The following LAMB1 variants were observed in gnomAD, a reference collection of about 807,000 sequenced individuals.
LAMB1 encodes laminin subunit beta-1.
LAMB1 carries 121 observed loss-of-function variants against 222.3 expected under a neutral mutation model. That is an observed-to-expected ratio of 0.54 (90% confidence interval 0.47 to 0.63). The LOEUF (loss-of-function observed/expected upper bound fraction) is 0.63. Among genes scored for constraint, LAMB1 ranks in the 30% least tolerant of loss-of-function variants. The pLI is 0.00. For missense variants in LAMB1, 2,172 were observed against 2,240.8 expected (o/e 0.97, Z 0.62); for synonymous variants, 794 against 807.2 (o/e 0.98, Z 0.28).
intron 5 of LAMB1, among the ~76,000 whole-genome samples, chr7:107,989,018 G>C (rs2034133644): frequency 6.6e-6 from 1 of 152,182 alleles, no homozygotes; most frequent in Non-Finnish European, 1.5e-5. Context: ...ACACTGACTT[G>C]CTAGTTACAG....
chr7:107,935,374 GCT>G, intron 27 of LAMB1, 39 bp downstream of exon 27: 1 of 544,544 alleles, frequency 1.8e-6, no homozygotes, highest in East Asian at 5.4e-5. Flanking sequence ...TTTTTTTTTT[GCT>G]TGGCACCATA....
At chr7:107,945,810 G>A (rs547466725) in intron 24 of LAMB1, among the ~76,000 whole-genome samples, 6 of 152,332 alleles carry the variant, frequency 3.9e-5, no homozygotes, top group African/African-American at 7.2e-5. Context: ...CACTCAGCAC[G>A]TTCTCTGTAG....
chr7:107,928,475 T>C (rs1348850814), intron 31 of LAMB1, among the ~76,000 whole-genome samples: 1 of 152,040 alleles, frequency 6.6e-6, no homozygotes, highest in Non-Finnish European at 1.5e-5. Context: ...ACAGAGTATA[T>C]GCTGTTTCCT....
chr7:108,001,808 G>A, intron 2 of LAMB1, 75 bp from the exon 3 acceptor site: 2 of 1,580,274 alleles, frequency 1.3e-6, no homozygotes, highest in South Asian at 2.3e-5. Context: ...AACAAGCGGG[G>A]GCGGGGGAGT....
chr7:107,956,655 GA>G (rs1186871357), intron 20 of LAMB1, among the ~76,000 whole-genome samples: 3 of 152,320 alleles, frequency 2.0e-5, no homozygotes, highest in African/African-American at 7.2e-5. Context: ...CTATGCCTGA[GA>G]GGGGTGATGT....
chr7:107,973,524 C>T (rs1282696793), intron 12 of LAMB1, among the ~76,000 whole-genome samples: 1 of 152,156 alleles, frequency 6.6e-6, no homozygotes, highest in African/African-American at 2.4e-5. Flanking sequence ...ATTCTCACCA[C>T]TGAGCCACGA....
rs1385437038 is a variant in LAMB1 at position 107,959,705 on chromosome 7, G to A, written c.2444C>T (p.Pro815Leu). Residue 815 changes from proline to leucine, a missense_variant, in exon 19 of 34, where the codon CCC becomes CTC. Pro to Leu is a moderately conservative substitution (Grantham distance 98). Coordinates refer to ENST00000222399, the MANE Select transcript of LAMB1 (RefSeq NM_002291.3). The stretch of plus-strand genomic sequence containing the variant: ...GAGGAACCTACGTTTGCATCCACTG[G>A]GGCCAAAGCCAAAAGTTCCAGGTGC... ...RCAPGTFGFGPSGCKPCECHL... is the reference protein window; with the variant it reads ...RCAPGTFGFGLSGCKPCECHL... 1.2e-6 allele frequency: 2 copies of A among 1,614,160 alleles called. No individual in the cohort carries two copies. Among genetic ancestry groups the A allele is most frequent in the African/African-American group, 1.3e-5 (1 of 75,026 alleles).
chr7:107,932,221 G>A lies in LAMB1; in HGVS notation c.4345C>T (p.Gln1449Ter). ...TCAGCCAGGGCACTCAGGACATCTT[G>A]GTCCAAGTCCATGGCTTTCTGCCAG... is the stretch of plus-strand genomic sequence containing the variant. ...NAWQKAMDLDQDVLSALAEVE... is the reference protein window; with the variant it reads ...NAWQKAMDLD Residue 1449 changes from glutamine (Q) to a stop codon, truncating the protein, a stop_gained, in exon 28 of 34, where the codon CAA becomes TAA. Coordinates refer to ENST00000222399, the MANE Select transcript of LAMB1 (RefSeq NM_002291.3). LOFTEE classifies it high-confidence loss of function. The A allele has an allele frequency of 1.9e-6, 3 of 1,614,186 alleles. No homozygotes were observed. Among genetic ancestry groups the A allele is most frequent in the Non-Finnish European group, 2.5e-6 (3 of 1,180,036 alleles).
chr7:107,924,094 G>GATA lies in LAMB1; in HGVS notation c.5225-8_5225-7insTAT. Reference sequence around the variant, plus strand: ...TCATATTTTCTTTCTAAATCTGTGGGGAGATATATATATATAAAGTCTGAG... The same window carrying GATA: ...TCATATTTTCTTTCTAAATCTGTGGGATAGAGATATATATATATAAAGTCTGAG... On this transcript the variant is annotated splice_polypyrimidine_tract_variant and splice_region_variant and intron_variant, in intron 33 of 33. Coordinates refer to ENST00000222399, the MANE Select transcript of LAMB1 (RefSeq NM_002291.3). 1.4e-6 allele frequency: 2 copies of GATA among 1,476,500 alleles called. No individual in the cohort carries two copies. Among genetic ancestry groups the GATA allele is most frequent in the Non-Finnish European group, 1.8e-6 (2 of 1,106,362 alleles). 91.5% of individuals were successfully genotyped at this position (1,476,500 alleles called of 1,614,324 possible). A position where few individuals can be genotyped will look rare whatever the true frequency, so the allele number is the denominator to read the frequency against.
In LAMB1 at chr7:107,931,318, A is replaced by G. The variant is rs779011485; in HGVS notation, c.4537+38T>C. ...AAAATGTAAACAGAGAATCACACAG[A>G]AACAAATGTCTAAAAGTAAAATGAA... On this transcript the variant is annotated intron_variant, in intron 29 of 33. Coordinates refer to ENST00000222399, the MANE Select transcript of LAMB1 (RefSeq NM_002291.3). 17 of 1,576,292 alleles carry G rather than the reference A, an allele frequency of 1.1e-5. 1 individual carries two copies. Among genetic ancestry groups the G allele is most frequent in the Non-Finnish European group, 1.4e-5 (16 of 1,148,026 alleles).
rs1439626872 is a variant in LAMB1 at position 107,975,878 on chromosome 7, C to A, written c.1001-1G>T. ...ATGGAATGTTCATTGCAGTTACATT[C>A]TGCGTGACAAGAGCAACGTCAAGAA... On this transcript the variant is annotated splice_acceptor_variant, in intron 9 of 33. Transcript: ENST00000222399. LOFTEE classifies it high-confidence loss of function. 1.2e-6 allele frequency: 2 copies of A among 1,612,996 alleles called. No individual in the cohort carries two copies. Among genetic ancestry groups the A allele is most frequent in the Non-Finnish European group, 1.7e-6 (2 of 1,179,540 alleles).
At chr7:107,995,250 A>C (rs1396984842) in intron 4 of LAMB1, among the ~76,000 whole-genome samples, 1 of 152,206 alleles carries the variant, frequency 6.6e-6, no homozygotes, top group Non-Finnish European at 1.5e-5. Context: ...GCTGTCAAGA[A>C]AGACATCCTT....
chr7:107,937,754 C>T (rs967959832), intron 25 of LAMB1, among the ~76,000 whole-genome samples: 2 of 152,202 alleles, frequency 1.3e-5, no homozygotes, highest in Non-Finnish European at 2.9e-5. Context: ...TATAGCCTGC[C>T]ACAAAGACAA....
rs2237699 is a variant in LAMB1 at position 107,976,703 on chromosome 7, A to G, written c.1001-826T>C. Among the ~76,000 whole-genome samples the G allele has an allele frequency of 4.0e-4, 61 of 152,288 alleles. No individual in the cohort carries two copies. The East Asian group carries it at 0.01, about 26-fold the overall frequency. On this transcript the variant is annotated intron_variant, in intron 9 of 33. Transcript: ENST00000222399. Reference sequence around the variant, plus strand: ...GCTCTCAATACACTGGTTGAAGTGAACCTTGGAGTAATCCTTCCCAGCATG... The same window carrying G: ...GCTCTCAATACACTGGTTGAAGTGAGCCTTGGAGTAATCCTTCCCAGCATG...
At chr7:107,976,161 C>T (rs2033850648) in intron 9 of LAMB1, among the ~76,000 whole-genome samples, 1 of 152,196 alleles carries the variant, frequency 6.6e-6, no homozygotes, top group South Asian at 2.1e-4. Context: ...GGGAAAGTCC[C>T]TTTGGAAGTG....
intron 8 of LAMB1, among the ~76,000 whole-genome samples, chr7:107,978,533 T>C (rs1471918497): frequency 6.6e-6 from 1 of 151,972 alleles, no homozygotes; most frequent in Non-Finnish European, 1.5e-5. Context: ...AAAGTTATAA[T>C]GTAGAACTAA....
intron 13 of LAMB1, among the ~76,000 whole-genome samples, chr7:107,971,248 C>T (rs1296220449): frequency 1.3e-5 from 2 of 152,176 alleles, no homozygotes; most frequent in African/African-American, 2.4e-5. Flanking sequence ...CTAAGGAGTA[C>T]ATATCTAGTT....
At chr7:107,929,804 A>C (rs866122459) in intron 29 of LAMB1, 185 bp from the exon 30 acceptor site, 6 of 603,464 alleles carry the variant, frequency 9.9e-6, no homozygotes, top group Non-Finnish European at 8.8e-6. Flanking sequence ...TACACACACA[A>C]AAAAGTAACT....
chr7:107,986,175 C>T lies in LAMB1; in HGVS notation c.612G>A (p.Glu204=). The stretch of plus-strand genomic sequence containing the variant: ...ATGTAAAACACAGAAGCAAACAAAC[C>T]TCTCCTTCAGTTGAGGGTTCAATGT... The part of the protein sequence containing the change: ...YSDIEPSTEG[E]VIFRALDPAF... Residue 204 remains glutamate (E), a splice_region_variant and synonymous_variant, in exon 6 of 34, where the codon GAG becomes GAA. Transcript: ENST00000222399. 4 of 1,613,656 alleles carry T rather than the reference C, an allele frequency of 2.5e-6. No individual in the cohort carries two copies. The highest frequency in any genetic ancestry group is 3.4e-6 in the Non-Finnish European group (4 of 1,179,632).
Sources: allele counts gnomAD v4.1 joint callset (sites outside exome capture counted in the v4.1 genomes callset), GRCh38; gene constraint gnomAD v4.1.1; transcripts MANE v1.5; gene names NCBI Gene and HGNC (gene_info 2026-07-23, HGNC 2026-07-21).